HAO2: variants seen among roughly 807,000 people sequenced by gnomAD.
The protein encoded by HAO2 is hydroxyacid oxidase 2.
In HAO2, 42 loss-of-function variants were observed where a neutral mutation model predicts 37.4. The ratio of observed to expected loss-of-function variants is 1.12; its 90% CI spans 0.88 to 1.45. The LOEUF (loss-of-function observed/expected upper bound fraction) is 1.45, where lower values mean the gene tolerates loss of function less well. HAO2 is among the 40% of genes most tolerant of loss of function. The pLI is 0.00. For missense variants in HAO2, 476 were observed against 430.2 expected (o/e 1.11, Z -0.94); for synonymous variants, 180 against 162.8 (o/e 1.11, Z -0.81).
chr1:119,377,876 G>A (rs1557844510), intron 1 of HAO2, among the ~76,000 whole-genome samples: 1 of 152,184 alleles, frequency 6.6e-6, no homozygotes, highest in African/African-American at 2.4e-5. Flanking sequence ...AGACCAGCCT[G>A]GCCAACATGG....
At chr1:119,386,865 G>A in intron 5 of HAO2, 34 bp downstream of exon 5, 2 of 1,319,668 alleles carry the variant, frequency 1.5e-6, no homozygotes, top group Non-Finnish European at 2.2e-6. Context: ...GGGTGTGTTT[G>A]TGAGTGCTGT....
rs749633249 is a variant in HAO2 at position 119,392,226 on chromosome 1, C to T, written c.888C>T (p.Cys296=). The change falls in exon 6 of 8, where the codon TGC becomes TGT. Residue 296 remains cysteine (C), a synonymous_variant. Transcript: ENST00000325945. The stretch of plus-strand genomic sequence containing the variant: ...AGGCTCTGGCCCTTGGAGCTAAGTG[C>T]ATTTTTCTTGGGAGACCAATCCTAT... ...VLKALALGAK[C]IFLGRPILWG... 5.6e-6 allele frequency: 9 copies of T among 1,613,338 alleles called. No homozygotes were observed. In the South Asian group the frequency reaches 7.7e-5, roughly 14 times the overall value.
intron 5 of HAO2, among the ~76,000 whole-genome samples, chr1:119,388,264 G>A (rs983712290): frequency 6.6e-6 from 1 of 152,164 alleles, no homozygotes; most frequent in Non-Finnish European, 1.5e-5. Flanking sequence ...GCAATGAAGA[G>A]CCCATTACCA....
chr1:119,376,229 A>G (rs1027323139), intron 1 of HAO2, among the ~76,000 whole-genome samples: 1 of 152,194 alleles, frequency 6.6e-6, no homozygotes, highest in Non-Finnish European at 1.5e-5. Context: ...GAGAAATTAG[A>G]CAAATCAAAG....
chr1:119,382,850 C>T, intron 2 of HAO2, 65 bp from the exon 3 acceptor site: 2 of 1,506,366 alleles, frequency 1.3e-6, no homozygotes, highest in Non-Finnish European at 1.8e-6. Flanking sequence ...GGGTCCACCC[C>T]AGACAACGCC....
chr1:119,392,346 C>T, intron 6 of HAO2, 78 bp downstream of exon 6: 1 of 1,208,612 alleles, frequency 8.3e-7, no homozygotes, highest in Non-Finnish European at 1.2e-6. Flanking sequence ...GTTCATTTTC[C>T]AAGCTTAGAC....
intron 5 of HAO2, among the ~76,000 whole-genome samples, chr1:119,388,563 T>C (rs1306895594): frequency 6.6e-6 from 1 of 152,200 alleles, no homozygotes; most frequent in Non-Finnish European, 1.5e-5. Context: ...TCAAGTTCAC[T>C]TGGAGACAGC....
intron 1 of HAO2, 163 bp downstream of exon 1, chr1:119,369,065 C>T (rs1648742266): frequency 6.6e-6 from 1 of 152,110 alleles, no homozygotes; most frequent in South Asian, 2.1e-4. Context: ...ACTCAGAGGG[C>T]ATGGGCAAAG....
chr1:119,375,351 AG>A (rs1268472842), intron 1 of HAO2, among the ~76,000 whole-genome samples: 1 of 152,148 alleles, frequency 6.6e-6, no homozygotes, highest in Admixed American at 6.5e-5. Flanking sequence ...TGAACAAGGA[AG>A]GTATCCTTTT....
Position 119,392,117 on chromosome 1 carries a change from C to T in HAO2, c.779C>T (p.Ala260Val). 1.2e-6 allele frequency: 2 copies of T among 1,611,974 alleles called. No individual in the cohort carries two copies. The highest frequency in any genetic ancestry group is 1.1e-5 in the South Asian group (1 of 90,730). Residue 260 changes from alanine (A) to valine (V), a missense_variant, in exon 6 of 8, where the codon GCT becomes GTT. Ala to Val is a moderately conservative substitution (Grantham distance 64). Coordinates refer to ENST00000325945, the MANE Select transcript of HAO2 (RefSeq NM_016527.4). Reference protein sequence around the residue: ...QLDEVLASIDALTEVVAAVKG... With the variant: ...QLDEVLASIDVLTEVVAAVKG... ...TGTGTATCTCCTTTTCAGATTGATGCTTTGACAGAAGTGGTGGCTGCTGTA... is the reference window on the plus strand; with the variant it reads ...TGTGTATCTCCTTTTCAGATTGATGTTTTGACAGAAGTGGTGGCTGCTGTA...
Position 119,382,926 on chromosome 1 carries a change from G to C in HAO2, c.143G>C (p.Arg48Pro). ...NIAAFKRIRL[R>P]PRYLRDVSEV... ...GTTGTCCGGCACAGAATTCGCCTCCGTCCGCGGTACCTGAGAGATGTGTCT... is the reference window on the plus strand; with the variant it reads ...GTTGTCCGGCACAGAATTCGCCTCCCTCCGCGGTACCTGAGAGATGTGTCT... Residue 48 changes from arginine (R) to proline (P), a missense_variant, in exon 3 of 8, where the codon CGT (arginine) becomes CCT (proline). By Grantham distance (103) the Arg-to-Pro change is moderately radical. Transcript: ENST00000325945. 2 of 1,613,576 alleles carry C rather than the reference G, an allele frequency of 1.2e-6. No homozygotes were observed. Among genetic ancestry groups the C allele is most frequent in the Non-Finnish European group, 1.7e-6 (2 of 1,179,654 alleles).
At chr1:119,376,954 C>T (rs1000039917) in intron 1 of HAO2, among the ~76,000 whole-genome samples, 1 of 152,202 alleles carries the variant, frequency 6.6e-6, no homozygotes, top group Non-Finnish European at 1.5e-5. Flanking sequence ...TCATTTTCCC[C>T]ATTGTCTTGG....
intron 1 of HAO2, among the ~76,000 whole-genome samples, chr1:119,376,785 C>A (rs1488858908): frequency 6.6e-6 from 1 of 152,218 alleles, no homozygotes; most frequent in African/African-American, 2.4e-5. Context: ...TCTGAAGCTA[C>A]AATCTGAGCT....
At chr1:119,390,288 G>C (rs1306306841) in intron 5 of HAO2, among the ~76,000 whole-genome samples, 1 of 152,022 alleles carries the variant, frequency 6.6e-6, no homozygotes, top group Non-Finnish European at 1.5e-5. Flanking sequence ...TTTCACTCTT[G>C]TCACCCACGC....
chr1:119,392,571 G>A (rs1343596689), intron 6 of HAO2, 47 bp from the exon 7 acceptor site: 1 of 1,227,104 alleles, frequency 8.1e-7, no homozygotes, highest in Non-Finnish European at 1.2e-6. Flanking sequence ...TGGTCAGAAT[G>A]TTCCTTTATG....
chr1:119,387,376 T>C (rs1650476028), intron 5 of HAO2, among the ~76,000 whole-genome samples: 1 of 152,188 alleles, frequency 6.6e-6, no homozygotes, highest in Non-Finnish European at 1.5e-5. Context: ...GAATTTGTTG[T>C]TGATTTGTTT....
chr1:119,379,681 T>C (rs988743865), intron 1 of HAO2, among the ~76,000 whole-genome samples: 1 of 152,182 alleles, frequency 6.6e-6, no homozygotes, highest in Non-Finnish European at 1.5e-5. Flanking sequence ...AAAGGTGCTA[T>C]GGCTGGGCTC....
chr1:119,388,532 C>T (rs1650572538), intron 5 of HAO2, among the ~76,000 whole-genome samples: 1 of 152,174 alleles, frequency 6.6e-6, no homozygotes, highest in Non-Finnish European at 1.5e-5. Flanking sequence ...TCTCCCAAGC[C>T]ATTTGGCTTC....
In HAO2 at chr1:119,392,114, A is replaced by G. The variant is rs752151598; in HGVS notation, c.776A>G (p.Asp259Gly). The G allele has an allele frequency of 3.8e-5, 61 of 1,611,886 alleles. No individual in the cohort carries two copies. The highest frequency in any genetic ancestry group is 3.0e-5 in the Non-Finnish European group (35 of 1,178,968). ...RQLDEVLASI[D>G]ALTEVVAAVK... Reference sequence around the variant, plus strand: ...CCATGTGTATCTCCTTTTCAGATTGATGCTTTGACAGAAGTGGTGGCTGCT... The same window carrying G: ...CCATGTGTATCTCCTTTTCAGATTGGTGCTTTGACAGAAGTGGTGGCTGCT... The change falls in exon 6 of 8, where the codon GAT becomes GGT. Residue 259 changes from aspartate (D) to glycine (G), a missense_variant. Coordinates refer to ENST00000325945, the MANE Select transcript of HAO2 (RefSeq NM_016527.4).
Sources: gnomAD v4.1 joint callset for allele counts (sites outside exome capture counted in the v4.1 genomes callset) on GRCh38, gnomAD v4.1.1 for gene constraint, MANE v1.5 for transcripts, NCBI Gene and HGNC (gene_info 2026-07-23, HGNC 2026-07-21) for gene names.